The following GUCA1B variants were observed in gnomAD, a reference collection of about 807,000 sequenced individuals.
The protein encoded by GUCA1B is guanylyl cyclase-activating protein 2.
GUCA1B carries 22 observed loss-of-function variants against 24.2 expected under a neutral mutation model. That is an observed-to-expected ratio of 0.91 (90% CI 0.65 to 1.30). The LOEUF (loss-of-function observed/expected upper bound fraction) is 1.30. GUCA1B is among the 50% of genes most tolerant of loss of function. GUCA1B has a pLI of 0.00. For synonymous variants in GUCA1B, 100 were observed against 97.9 expected, an observed-to-expected ratio of 1.02 and a Z score of -0.13; for missense variants, 221 against 258.8, an observed-to-expected ratio of 0.85 and a Z score of 1.00.
At chr6:42,186,239 G>GGGAGAAACCT (rs1046623326) in intron 2 of GUCA1B, among the ~76,000 whole-genome samples, 11 of 152,194 alleles carry the variant, frequency 7.2e-5, no homozygotes, top group African/African-American at 2.7e-4. Flanking sequence ...ATGGACTGGA[G>GGGAGAAACCT]GGAAAAACCC....
chr6:42,189,390 T>C (rs976456620), intron 1 of GUCA1B, among the ~76,000 whole-genome samples: 1 of 152,262 alleles, frequency 6.6e-6, no homozygotes, highest in Non-Finnish European at 1.5e-5. Context: ...ACAGTGCCAC[T>C]TATGGCCAGA....
chr6:42,185,798 C>T lies in GUCA1B; in HGVS notation c.358-1G>A. 5.0e-6 allele frequency: 8 copies of T among 1,598,204 alleles called. No individual in the cohort carries two copies. Among genetic ancestry groups the T allele is most frequent in the Non-Finnish European group, 6.9e-6 (8 of 1,166,024 alleles). ...AGGCTTTCTTCAGCTGGTAAATTCC[C>T]TGCCAAAGAAAACTCAGCTGCATTG... On this transcript the variant is annotated splice_acceptor_variant, in intron 2 of 3. Transcript: ENST00000230361. LOFTEE classifies it high-confidence loss of function.
intron 3 of GUCA1B, among the ~76,000 whole-genome samples, 156 bp downstream of exon 3, chr6:42,185,524 T>G (rs575572520): frequency 6.6e-6 from 1 of 152,190 alleles, no homozygotes; most frequent in African/African-American, 2.4e-5. Context: ...CACGTGCTCA[T>G]GAGTCCCTTT....
chr6:42,188,550 C>G, intron 2 of GUCA1B, 32 bp downstream of exon 2: 2 of 1,611,794 alleles, frequency 1.2e-6, no homozygotes, highest in Non-Finnish European at 8.5e-7. Context: ...CTCTAGTGCC[C>G]AGGCTGCTGG....
chr6:42,193,454 A>G (rs1272838111), intron 1 of GUCA1B, among the ~76,000 whole-genome samples: 1 of 152,240 alleles, frequency 6.6e-6, no homozygotes, highest in Non-Finnish European at 1.5e-5. Flanking sequence ...AGGAGCACTT[A>G]AGACCTTGGG....
Position 42,194,697 on chromosome 6 carries a change from AC to A in GUCA1B, c.123del (p.Glu41AspfsTer18), listed in dbSNP as rs1275884494. ...TCTGTGACCTTGAAGAAGCGCTTAA[AC>A]TCATGCATAAAGAGTGTGCCGCTGG... ...ECPSGTLFMH[E>X]FKRFFKVTDD... On this transcript the variant is annotated frameshift_variant, in exon 1 of 4. Transcript: ENST00000230361. LOFTEE classifies it high-confidence loss of function. 30 of 1,613,300 alleles carry A rather than the reference AC, an allele frequency of 1.9e-5. No homozygotes were observed. The highest frequency in any genetic ancestry group is 2.5e-5 in the Non-Finnish European group (29 of 1,179,526).
rs73434284 is a variant in GUCA1B at position 42,191,027 on chromosome 6, G to A, written c.208-2296C>T. 6.3e-3 allele frequency among the ~76,000 whole-genome samples: 960 copies of A among 152,236 alleles called. 13 individuals carry two copies. The highest frequency in any genetic ancestry group is 0.021 in the African/African-American group (883 of 41,544). Reference sequence around the variant, plus strand: ...AACCCCAGGACCATTTCTGGGAAACGTCCAGCTGGGACTAATCTCATCTGC... The same window carrying A: ...AACCCCAGGACCATTTCTGGGAAACATCCAGCTGGGACTAATCTCATCTGC... On this transcript the variant is annotated intron_variant, in intron 1 of 3. Coordinates refer to ENST00000230361, the MANE Select transcript of GUCA1B (RefSeq NM_002098.6).
chr6:42,193,229 A>G (rs1181044508), intron 1 of GUCA1B, among the ~76,000 whole-genome samples: 1 of 152,238 alleles, frequency 6.6e-6, no homozygotes, highest in Non-Finnish European at 1.5e-5. Flanking sequence ...GATGAGGTAT[A>G]AGGAGTACAA....
Position 42,183,797 on chromosome 6 carries a change from G to A in GUCA1B, c.*1018C>T, listed in dbSNP as rs45569036. Among the ~76,000 whole-genome samples, 43 of 152,280 alleles carry A rather than the reference G, an allele frequency of 2.8e-4. No homozygotes were observed. Among genetic ancestry groups the A allele is most frequent in the Non-Finnish European group, 5.0e-4 (34 of 68,022 alleles). On this transcript the variant is annotated 3_prime_UTR_variant, in exon 4 of 4. Coordinates refer to ENST00000230361, the MANE Select transcript of GUCA1B (RefSeq NM_002098.6). ...TGGGAGTTGTGGAAGGTCCATACTG[G>A]GGGATATGGATGGAAAGAGAGGATT...
At chr6:42,188,003 G>A (rs999644888) in intron 2 of GUCA1B, among the ~76,000 whole-genome samples, 13 of 150,870 alleles carry the variant, frequency 8.6e-5, no homozygotes, top group African/African-American at 2.9e-4. Flanking sequence ...GTACCTCCAA[G>A]CCTGGCTAAT....
At chr6:42,186,829 C>T (rs1355958448) in intron 2 of GUCA1B, among the ~76,000 whole-genome samples, 2 of 152,100 alleles carry the variant, frequency 1.3e-5, no homozygotes, top group Non-Finnish European at 1.5e-5. Context: ...TAATTTGGGC[C>T]GATTACAGAA....
chr6:42,187,319 T>C (rs6937742), intron 2 of GUCA1B, among the ~76,000 whole-genome samples: 48,867 of 151,854 alleles, frequency 0.32, 10,440 homozygotes, highest in African/African-American at 0.61. Flanking sequence ...TTAGCCAGAA[T>C]GGTCTCGATC....
chr6:42,186,899 C>T (rs1215841616), intron 2 of GUCA1B, among the ~76,000 whole-genome samples: 3 of 152,178 alleles, frequency 2.0e-5, no homozygotes, highest in Non-Finnish European at 2.9e-5. Flanking sequence ...CCTCATAGCG[C>T]GGGTCTGGCT....
chr6:42,194,109 A>G (rs1204204476), intron 1 of GUCA1B, among the ~76,000 whole-genome samples: 1 of 152,218 alleles, frequency 6.6e-6, no homozygotes, highest in Admixed American at 6.5e-5. Context: ...CAATACATGC[A>G]GGAGCCTCTT....
Position 42,183,401 on chromosome 6 carries a change from C to A in GUCA1B, c.*1414G>T, listed in dbSNP as rs1445096092. On this transcript the variant is annotated 3_prime_UTR_variant, in exon 4 of 4. Coordinates refer to ENST00000230361, the MANE Select transcript of GUCA1B (RefSeq NM_002098.6). ...AACTGTCTTATAGGAGTAACAGTGA[C>A]CCAGGGCACTGGTTTTCAGTTTGCT... Among the ~76,000 whole-genome samples, 1 of 152,108 alleles carries A rather than the reference C, an allele frequency of 6.6e-6. No individual in the cohort carries two copies. The highest frequency in any genetic ancestry group is 1.5e-5 in the Non-Finnish European group (1 of 68,020).
At position 42,185,306 on chromosome 6, in the gene GUCA1B, T is replaced by TC. The variant is rs146060631; in HGVS notation, c.476-365dup. 8.7e-3 allele frequency among the ~76,000 whole-genome samples: 1,321 copies of TC among 152,128 alleles called. 21 individuals carry two copies. Among genetic ancestry groups the TC allele is most frequent in the African/African-American group, 0.031 (1,277 of 41,494 alleles). ...AAAGCCCAAGCAGCCTGAATGGAGG[T>TC]CTACCCTATGCCTGCTCTTAAACAC... On this transcript the variant is annotated intron_variant, in intron 3 of 3. Transcript: ENST00000230361.
rs1297741026 is a variant in GUCA1B at position 42,188,662 on chromosome 6, T to C, written c.277A>G (p.Lys93Glu). The C allele has an allele frequency of 6.2e-7, 1 of 1,614,116 alleles. No individual in the cohort carries two copies. Among genetic ancestry groups the C allele is most frequent in the Middle Eastern group, 1.6e-4 (1 of 6,062 alleles). The change falls in exon 2 of 4, where the codon AAG (lysine) becomes GAG (glutamate). Residue 93 changes from lysine (K) to glutamate (E), a missense_variant. Coordinates refer to ENST00000230361, the MANE Select transcript of GUCA1B (RefSeq NM_002098.6). ...NLVLRGTLEH[K>E]LKWTFKIYDK... ...TAGATCTTGAATGTCCACTTCAGCT[T>C]GTGCTCCAGGGTGCCCCTCAGCACG...
chr6:42,183,702 TC>T lies in GUCA1B; in HGVS notation c.*1112del, dbSNP rs1490780618. 6.6e-6 allele frequency among the ~76,000 whole-genome samples: 1 copy of T among 151,988 alleles called. No individual in the cohort carries two copies. The highest frequency in any genetic ancestry group is 1.5e-5 in the Non-Finnish European group (1 of 68,018). The stretch of plus-strand genomic sequence containing the variant: ...CCCAGCCCACAATCCCAGTCAACAG[TC>T]CCCCAATTCTTGCCAGAGACAGACA... On this transcript the variant is annotated 3_prime_UTR_variant, in exon 4 of 4. Transcript: ENST00000230361.
At chr6:42,187,418 CTT>C (rs70987578) in intron 2 of GUCA1B, among the ~76,000 whole-genome samples, 50 of 129,504 alleles carry the variant, frequency 3.9e-4, no homozygotes, top group Admixed American at 3.9e-4. Flanking sequence ...GTTTATTTTA[CTT>C]TTTTTTTTTT....
Sources: allele counts gnomAD v4.1 joint callset (sites outside exome capture counted in the v4.1 genomes callset), GRCh38; gene constraint gnomAD v4.1.1; transcripts MANE v1.5; gene names NCBI Gene and HGNC (gene_info 2026-07-23, HGNC 2026-07-21).